Variants in XRCC4 observed in about 807,000 individuals in gnomAD.
XRCC4 encodes the protein X-ray repair cross complementing 4.
A neutral mutation model predicts 39.1 loss-of-function variants in XRCC4; 28 were observed. The observed-to-expected ratio is 0.72, with a 90% CI of 0.53 to 0.98. The LOEUF is 0.98. Among genes scored for constraint, XRCC4 ranks in the 50% least tolerant of loss-of-function variants. XRCC4 has a pLI of 0.00. For missense variants in XRCC4, 350 were observed against 376.4 expected (o/e 0.93, Z 0.58); for synonymous variants, 123 against 126.4 (o/e 0.97, Z 0.18).
chr5:83,133,174 G>A (rs1747692051), intron 3 of XRCC4, among the ~76,000 whole-genome samples: 1 of 151,808 alleles, frequency 6.6e-6, no homozygotes, highest in African/African-American at 2.4e-5. Context: ...TGTTTGCCTG[G>A]GTATGACCAT....
At chr5:83,188,656 G>A (rs368061568) in intron 3 of XRCC4, among the ~76,000 whole-genome samples, 1 of 152,104 alleles carries the variant, frequency 6.6e-6, no homozygotes, top group East Asian at 1.9e-4. Context: ...ATGTCACATG[G>A]CAAGAGTGGG....
At chr5:83,364,358 T>A in the XRCC4 span, among the ~76,000 whole-genome samples, 1 of 152,262 alleles carries the variant, frequency 6.6e-6, no homozygotes. Flanking sequence ...CTCCACAGAT[T>A]TTAATGGAAA....
intron 3 of XRCC4, among the ~76,000 whole-genome samples, chr5:83,132,776 A>G (rs1747666432): frequency 6.6e-6 from 1 of 151,876 alleles, no homozygotes; most frequent in African/African-American, 2.4e-5. Context: ...CTAGTTAGCC[A>G]TTCATCTCAT....
At chr5:83,150,905 A>G (rs1748673441) in intron 3 of XRCC4, among the ~76,000 whole-genome samples, 1 of 152,122 alleles carries the variant, frequency 6.6e-6, no homozygotes. Flanking sequence ...TAGATACCTT[A>G]TTAGAAAAAT....
chr5:83,109,884 A>T (rs1425797010), intron 2 of XRCC4, among the ~76,000 whole-genome samples: 1 of 151,920 alleles, frequency 6.6e-6, no homozygotes, highest in African/African-American at 2.4e-5. Context: ...ATAATCTTTT[A>T]AAAAAACTAC....
chr5:83,084,237 T>G (rs554550957), intron 1 of XRCC4, among the ~76,000 whole-genome samples: 13 of 152,284 alleles, frequency 8.5e-5, no homozygotes, highest in Non-Finnish European at 1.2e-4. Context: ...TTAAAATAAT[T>G]GAAAGGTACT....
chr5:83,172,515 G>C (rs1470557712), intron 3 of XRCC4, among the ~76,000 whole-genome samples: 1 of 152,124 alleles, frequency 6.6e-6, no homozygotes, highest in African/African-American at 2.4e-5. Flanking sequence ...TATAAATCTA[G>C]AAGGATGAAG....
intron 2 of XRCC4, 124 bp from the exon 3 acceptor site, chr5:83,110,904 G>C: frequency 1.1e-6 from 1 of 892,416 alleles, no homozygotes; most frequent in Non-Finnish European, 1.7e-6. Context: ...GTAGTATAGG[G>C]ATTGATTTTA....
At chr5:83,261,435 C>T (rs75586682) in intron 7 of XRCC4, among the ~76,000 whole-genome samples, 3,024 of 151,882 alleles carry the variant, frequency 0.02, 79 homozygotes, top group African/African-American at 0.067. Context: ...TACATCAGTC[C>T]CTACCTCTAA....
intron 3 of XRCC4, among the ~76,000 whole-genome samples, chr5:83,159,196 T>A (rs1378938226): frequency 2.0e-5 from 3 of 152,192 alleles, no homozygotes; most frequent in Non-Finnish European, 4.4e-5. Flanking sequence ...GTCATTATTT[T>A]AAAAAATAAT....
In XRCC4 at chr5:83,245,164, C is replaced by T. The variant is rs112273647; in HGVS notation, c.746-13366C>T. On this transcript the variant is annotated intron_variant, in intron 6 of 7. Transcript: ENST00000396027. ...TTGTTTTCTTAGCTTTTGATGTCCT[C>T]GGGTAACAAAATCAACATTTTTCTG... Among the ~76,000 whole-genome samples, 684 of 151,546 alleles carry T rather than the reference C, an allele frequency of 4.5e-3. 2 individuals carry two copies. Among genetic ancestry groups the T allele is most frequent in the African/African-American group, 0.016 (653 of 41,308 alleles).
chr5:83,154,211 G>A (rs1279759778), intron 3 of XRCC4, among the ~76,000 whole-genome samples: 2 of 152,066 alleles, frequency 1.3e-5, no homozygotes, highest in East Asian at 3.9e-4. Flanking sequence ...GAAAATAACT[G>A]TTGTGAAGAT....
intron 7 of XRCC4, among the ~76,000 whole-genome samples, chr5:83,307,036 G>C (rs1184474183): frequency 6.6e-6 from 1 of 152,162 alleles, no homozygotes; most frequent in Non-Finnish European, 1.5e-5. Flanking sequence ...GCCAGAGTAA[G>C]CACACACTTC....
intron 2 of XRCC4, among the ~76,000 whole-genome samples, chr5:83,107,024 A>G (rs1384709297): frequency 6.6e-6 from 1 of 152,044 alleles, no homozygotes; most frequent in African/African-American, 2.4e-5. Context: ...TGTGACAAAA[A>G]TGTGATATCA....
chr5:83,209,523 T>C (rs1184190002), intron 6 of XRCC4, among the ~76,000 whole-genome samples: 2 of 152,116 alleles, frequency 1.3e-5, no homozygotes, highest in Non-Finnish European at 2.9e-5. Flanking sequence ...GAAACATTTC[T>C]TAGTCTTAAC....
chr5:83,329,558 G>C (rs1469362781), intron 7 of XRCC4, among the ~76,000 whole-genome samples: 1 of 152,060 alleles, frequency 6.6e-6, no homozygotes, highest in Non-Finnish European at 1.5e-5. Context: ...TAATTTTAAA[G>C]GGTACAAGAG....
intron 3 of XRCC4, among the ~76,000 whole-genome samples, 160 bp downstream of exon 3, chr5:83,111,363 A>G (rs1746438885): frequency 6.6e-6 from 1 of 152,120 alleles, no homozygotes; most frequent in Admixed American, 6.5e-5. Flanking sequence ...CTTCAAAGCT[A>G]AAGTCATTAA....
At chr5:83,129,691 A>T (rs1319088700) in intron 3 of XRCC4, among the ~76,000 whole-genome samples, 1 of 151,980 alleles carries the variant, frequency 6.6e-6, no homozygotes, top group African/African-American at 2.4e-5. Context: ...GGTCCTTCGC[A>T]TCCCTTGTAA....
intron 6 of XRCC4, among the ~76,000 whole-genome samples, chr5:83,238,541 G>T (rs1752784121): frequency 6.6e-6 from 1 of 151,944 alleles, no homozygotes; most frequent in African/African-American, 2.4e-5. Flanking sequence ...TCTCTAGCTT[G>T]CAGCCTAATT....
Sources: gnomAD v4.1 joint callset for allele counts (sites outside exome capture counted in the v4.1 genomes callset) on GRCh38, gnomAD v4.1.1 for gene constraint, MANE v1.5 for transcripts, NCBI Gene and HGNC (gene_info 2026-07-23, HGNC 2026-07-21) for gene names.